POU2F1: variants seen among roughly 807,000 people sequenced by gnomAD.
POU2F1 encodes POU class 2 homeobox 1, also known as POU domain, class 2, transcription factor 1.
POU2F1 carries 16 observed loss-of-function variants against 84.9 expected under a neutral mutation model. The observed-to-expected ratio is 0.19, with a 90% CI of 0.13 to 0.29. The LOEUF (loss-of-function observed/expected upper bound fraction) is 0.29. Ranked by LOEUF, POU2F1 falls within the 10% of genes least tolerant of loss-of-function variation. POU2F1 has a pLI of 1.00. For synonymous variants in POU2F1, 368 were observed against 368.3 expected (o/e 1.00, Z 0.01); for missense variants, 738 against 942.6 (o/e 0.78, Z 2.84).
At chr1:167,330,663 G>T (rs72693631) in intron 1 of POU2F1, among the ~76,000 whole-genome samples, 4 of 152,158 alleles carry the variant, frequency 2.6e-5, no homozygotes, top group Non-Finnish European at 4.4e-5. Flanking sequence ...AGATAATTTT[G>T]TTAAATGCTT....
Position 167,310,637 on chromosome 1 carries a change from T to A in POU2F1, c.62-21833T>A, listed in dbSNP as rs565928697. Among the ~76,000 whole-genome samples, 8 of 152,116 alleles carry A rather than the reference T, an allele frequency of 5.3e-5. No homozygotes were observed. The South Asian group carries it at 6.2e-4, about 12-fold the overall frequency. On this transcript the variant is annotated intron_variant, in intron 1 of 15. Transcript: ENST00000367866. Reference sequence around the variant, plus strand: ...GTACGTAAAAATGTTTAATATAAAATGCCTAATAATCAATAGACATAATTA... The same window carrying A: ...GTACGTAAAAATGTTTAATATAAAAAGCCTAATAATCAATAGACATAATTA...
chr1:167,233,880 C>A (rs1649253622), intron 1 of POU2F1, among the ~76,000 whole-genome samples: 1 of 152,188 alleles, frequency 6.6e-6, no homozygotes, highest in South Asian at 2.1e-4. Context: ...TTCCTAGTAA[C>A]AACAGCAATA....
intron 1 of POU2F1, among the ~76,000 whole-genome samples, chr1:167,221,303 C>T (rs1648134231): frequency 1.3e-5 from 2 of 150,580 alleles, no homozygotes; most frequent in South Asian, 4.2e-4. Flanking sequence ...TGCCCGAACC[C>T]GAGCGGGTCC....
chr1:167,380,434 G>C (rs2101871229), intron 7 of POU2F1: 1 of 152,304 alleles, frequency 6.6e-6, no homozygotes, highest in Non-Finnish European at 1.5e-5. Flanking sequence ...AGAATGAAAA[G>C]GTTGTTCCTT....
rs772165420 is a variant in POU2F1 at position 167,421,710 on chromosome 1, C to G, written c.*5900C>G. On this transcript the variant is annotated 3_prime_UTR_variant, in exon 16 of 16. Transcript: ENST00000367866. Reference sequence around the variant, plus strand: ...TAGCTTCTGGCACCTTCATAAAATACCTCAGAATAGCTTAGCATTGTTGCA... The same window carrying G: ...TAGCTTCTGGCACCTTCATAAAATAGCTCAGAATAGCTTAGCATTGTTGCA... The G allele has an allele frequency of 4.6e-5, 7 of 152,024 alleles. No individual in the cohort carries two copies. Among genetic ancestry groups the G allele is most frequent in the African/African-American group, 9.7e-5 (4 of 41,368 alleles). 9.4% of individuals were successfully genotyped at this position (152,024 alleles called of 1,614,324 possible). A position where few individuals can be genotyped will look rare whatever the true frequency, so the allele number is the denominator to read the frequency against.
intron 2 of POU2F1, among the ~76,000 whole-genome samples, chr1:167,344,284 G>C (rs764320318): frequency 1.4e-4 from 22 of 152,108 alleles, no homozygotes; most frequent in Non-Finnish European, 2.5e-4. Flanking sequence ...TCAGACCAGT[G>C]AGCTCATGGA....
intron 1 of POU2F1, among the ~76,000 whole-genome samples, chr1:167,290,503 C>T (rs1435615804): frequency 6.6e-6 from 1 of 152,216 alleles, no homozygotes; most frequent in East Asian, 1.9e-4. Context: ...AGCTTTTGCT[C>T]AAATTACAGA....
At chr1:167,236,602 G>A (rs181655421) in intron 1 of POU2F1, among the ~76,000 whole-genome samples, 2 of 152,158 alleles carry the variant, frequency 1.3e-5, no homozygotes, top group Admixed American at 6.5e-5. Flanking sequence ...CTCCTTCCCC[G>A]CAGCTAATTC....
At position 167,412,442 on chromosome 1, in the gene POU2F1, T is replaced by G. The variant is rs1650033061; in HGVS notation, c.1901+138T>G. The G allele has an allele frequency of 2.0e-5, 15 of 764,346 alleles. No individual in the cohort carries two copies. In the South Asian group the frequency reaches 2.8e-4, roughly 14 times the overall value. 47.3% of individuals were successfully genotyped at this position (764,346 alleles called of 1,614,324 possible). On this transcript the variant is annotated intron_variant, in intron 14 of 15. Coordinates refer to ENST00000367866, the MANE Select transcript of POU2F1 (RefSeq NM_002697.4). Reference sequence around the variant, plus strand: ...AGTAATCTCTTTGAAGTGGGCTGTTTTGTGATCATACAAGGACTTTGATTA... The same window carrying G: ...AGTAATCTCTTTGAAGTGGGCTGTTGTGTGATCATACAAGGACTTTGATTA...
intron 13 of POU2F1, among the ~76,000 whole-genome samples, chr1:167,411,260 A>C (rs1362509569): frequency 6.6e-6 from 1 of 151,806 alleles, no homozygotes; most frequent in Non-Finnish European, 1.5e-5. Flanking sequence ...GGATGGTCTC[A>C]ATCTCTTGAC....
chr1:167,338,470 G>A (rs1170705584), intron 2 of POU2F1, among the ~76,000 whole-genome samples: 2 of 152,140 alleles, frequency 1.3e-5, no homozygotes, highest in East Asian at 1.9e-4. Context: ...CCTTGACTCC[G>A]TTGTTCAGGG....
intron 1 of POU2F1, among the ~76,000 whole-genome samples, chr1:167,270,390 C>A (rs1652284697): frequency 6.6e-6 from 1 of 151,890 alleles, no homozygotes; most frequent in Non-Finnish European, 1.5e-5. Flanking sequence ...TTTTTGGGTA[C>A]AGCAGTCTGC....
chr1:167,263,503 G>A (rs1035568526), intron 1 of POU2F1, among the ~76,000 whole-genome samples: 27 of 151,280 alleles, frequency 1.8e-4, no homozygotes, highest in African/African-American at 6.1e-4. Context: ...GGCAACAAGA[G>A]CGAAACTCCG....
At chr1:167,273,613 C>T (rs1264437876) in intron 1 of POU2F1, among the ~76,000 whole-genome samples, 1 of 152,256 alleles carries the variant, frequency 6.6e-6, no homozygotes, top group Non-Finnish European at 1.5e-5. Flanking sequence ...ATCTGGGCCC[C>T]TTTTAGCCAC....
At chr1:167,386,906 T>G (rs1380605388) in intron 8 of POU2F1, among the ~76,000 whole-genome samples, 1 of 152,170 alleles carries the variant, frequency 6.6e-6, no homozygotes, top group African/African-American at 2.4e-5. Context: ...ACAAGGGAAC[T>G]TTTGGGAGTG....
intron 1 of POU2F1, among the ~76,000 whole-genome samples, chr1:167,254,109 C>A (rs1401453915): frequency 1.3e-5 from 2 of 152,036 alleles, no homozygotes; most frequent in Non-Finnish European, 2.9e-5. Context: ...TTTTTTAAAG[C>A]CTGTTCACAC....
At chr1:167,257,565 A>C (rs1177375323) in intron 1 of POU2F1, among the ~76,000 whole-genome samples, 1 of 152,248 alleles carries the variant, frequency 6.6e-6, no homozygotes, top group Non-Finnish European at 1.5e-5. Context: ...ATAAACTTTT[A>C]TTAAAACTAT....
intron 2 of POU2F1, among the ~76,000 whole-genome samples, chr1:167,340,686 C>T (rs1163459835): frequency 1.3e-5 from 2 of 152,012 alleles, no homozygotes; most frequent in African/African-American, 2.4e-5. Context: ...CCTGCCTCAG[C>T]CTCCTGCTGG....
At chr1:167,405,981 C>T (rs1408396320) in intron 13 of POU2F1, among the ~76,000 whole-genome samples, 1 of 152,050 alleles carries the variant, frequency 6.6e-6, no homozygotes, top group Non-Finnish European at 1.5e-5. Context: ...TTAAAACATG[C>T]ATCAAAGAAG....
Sources: gnomAD v4.1 joint callset for allele counts (sites outside exome capture counted in the v4.1 genomes callset) on GRCh38, gnomAD v4.1.1 for gene constraint, MANE v1.5 for transcripts, NCBI Gene and HGNC (gene_info 2026-07-23, HGNC 2026-07-21) for gene names.